The following KIF26B variants were observed in gnomAD, a reference collection of about 807,000 sequenced individuals.
KIF26B encodes kinesin-like protein KIF26B.
A neutral mutation model predicts 151.2 loss-of-function variants in KIF26B; 63 were observed. The observed-to-expected ratio is 0.42, with a 90% CI of 0.34 to 0.51. KIF26B has a LOEUF of 0.51. Ranked by LOEUF, KIF26B falls within the 20% of genes least tolerant of loss-of-function variation. The pLI, the probability that KIF26B is intolerant of heterozygous loss-of-function variation, is 0.07. For synonymous variants in KIF26B, 1,357 were observed against 1,262.1 expected (o/e 1.08, Z -1.59); for missense variants, 2,813 against 2,913.6 (o/e 0.97, Z 0.79).
At position 245,197,971 on chromosome 1, in the gene KIF26B, T is replaced by C. The variant is rs1241696019; in HGVS notation, c.465+41288T>C. On this transcript the variant is annotated intron_variant, in intron 2 of 14. Transcript: ENST00000407071. ...AGTGGTTTCCAGCCTCAGCTCTCTC[T>C]TAAGCAGATGACTTTAGCCAAGCTG... Among the ~76,000 whole-genome samples, 6 of 152,196 alleles carry C rather than the reference T, an allele frequency of 3.9e-5. No homozygotes were observed. The East Asian group carries it at 1.2e-3, about 29-fold the overall frequency.
intron 2 of KIF26B, among the ~76,000 whole-genome samples, chr1:245,355,751 G>A (rs1672682302): frequency 6.6e-6 from 1 of 152,154 alleles, no homozygotes; most frequent in East Asian, 1.9e-4. Context: ...TCATTGTCTT[G>A]AATTATTTTG....
Position 245,314,908 on chromosome 1 carries a change from C to T in KIF26B, c.466-51926C>T, listed in dbSNP as rs780844659. On this transcript the variant is annotated intron_variant, in intron 2 of 14. Coordinates refer to ENST00000407071, the MANE Select transcript of KIF26B (RefSeq NM_018012.4). ...AATTATTTGGCTTTAAGGCCAGGCG[C>T]GGTGGCTCACGCCTGTAATCCCAGC... Among the ~76,000 whole-genome samples, 46 of 152,286 alleles carry T rather than the reference C, an allele frequency of 3.0e-4. 1 individual carries two copies. Among genetic ancestry groups the T allele is most frequent in the Admixed American group, 7.8e-4 (12 of 15,298 alleles).
At chr1:245,273,416 C>CAAAAAA (rs36085161) in intron 2 of KIF26B, among the ~76,000 whole-genome samples, 2 of 127,052 alleles carry the variant, frequency 1.6e-5, no homozygotes, top group African/African-American at 5.3e-5. Context: ...AGACTTATCT[C>CAAAAAA]AAAAAAAAAA....
intron 2 of KIF26B, among the ~76,000 whole-genome samples, chr1:245,348,780 G>A (rs910315003): frequency 2.0e-5 from 3 of 152,066 alleles, no homozygotes; most frequent in Non-Finnish European, 2.9e-5. Flanking sequence ...CAGCCACGCC[G>A]GCCTCTTGCT....
At chr1:245,637,440 A>T (rs186865354) in intron 9 of KIF26B, among the ~76,000 whole-genome samples, 124 of 152,138 alleles carry the variant, frequency 8.2e-4, no homozygotes, top group Admixed American at 7.9e-3. Flanking sequence ...TAATTTGCAA[A>T]TATTTTCTCC....
At chr1:245,676,612 T>G (rs2044359672) in intron 10 of KIF26B, 1 of 152,262 alleles carries the variant, frequency 6.6e-6, no homozygotes, top group South Asian at 2.1e-4. Context: ...ATAAATAGAA[T>G]GCTGGTATCT....
rs930776986 is a variant in KIF26B, at chr1:245,688,501, G to T, written c.5518G>T (p.Glu1840Ter). ...EARGGALAED[E>*]PAAAHLLPSP... The stretch of plus-strand genomic sequence containing the variant: ...GCGCGGGGGGGCCCTGGCCGAGGAC[G>T]AGCCCGCGGCCGCGCACCTGCTCCC... Residue 1840 changes from glutamate to a stop codon, truncating the protein, a stop_gained, in exon 12 of 15, where the codon GAG becomes TAG. Transcript: ENST00000407071. LOFTEE classifies it high-confidence loss of function. The T allele has an allele frequency of 6.8e-7, 1 of 1,480,104 alleles. No homozygotes were observed. 91.7% of individuals were successfully genotyped at this position (1,480,104 alleles called of 1,614,324 possible).
intron 2 of KIF26B, among the ~76,000 whole-genome samples, chr1:245,365,580 C>T (rs1672929958): frequency 6.6e-6 from 1 of 151,856 alleles, no homozygotes; most frequent in Non-Finnish European, 1.5e-5. Flanking sequence ...CCCATGCAAG[C>T]TGACAGTGAA....
rs140660298 is a variant in KIF26B at position 245,509,292 on chromosome 1, T to G, written c.1167-31475T>G. Reference sequence around the variant, plus strand: ...AAGATGGGATTGGAGCCGTTCTCTATGTCTGGGAGAGTTAGAAAAGTTTCC... The same window carrying G: ...AAGATGGGATTGGAGCCGTTCTCTAGGTCTGGGAGAGTTAGAAAAGTTTCC... On this transcript the variant is annotated intron_variant, in intron 4 of 14. Transcript: ENST00000407071. 1.1e-4 allele frequency among the ~76,000 whole-genome samples: 17 copies of G among 152,348 alleles called. No individual in the cohort carries two copies. In the East Asian group the frequency reaches 1.7e-3, roughly 16 times the overall value.
At chr1:245,388,745 C>T (rs1019359459) in intron 3 of KIF26B, among the ~76,000 whole-genome samples, 1 of 152,206 alleles carries the variant, frequency 6.6e-6, no homozygotes, top group East Asian at 1.9e-4. Context: ...AATTTGTCTA[C>T]AATTGTATCT....
chr1:245,503,255 CTAAT>C (rs551469423), intron 4 of KIF26B, among the ~76,000 whole-genome samples: 7 of 152,210 alleles, frequency 4.6e-5, no homozygotes, highest in South Asian at 4.2e-4. Flanking sequence ...ATAAGGATAG[CTAAT>C]TAATATATAG....
At chr1:245,573,765 A>C (rs1443290592) in intron 5 of KIF26B, among the ~76,000 whole-genome samples, 1 of 152,164 alleles carries the variant, frequency 6.6e-6, no homozygotes, top group Non-Finnish European at 1.5e-5. Context: ...TGAATGCCTG[A>C]GACCTCAGAA....
At chr1:245,672,848 T>C (rs571598731) in intron 10 of KIF26B, among the ~76,000 whole-genome samples, 3 of 152,260 alleles carry the variant, frequency 2.0e-5, no homozygotes, top group Admixed American at 1.3e-4. Context: ...TTGGTAATAC[T>C]GTATTGTATC....
chr1:245,520,596 CCATCCACCCACCCACCCAT>C (rs1558197313), intron 4 of KIF26B, among the ~76,000 whole-genome samples: 32,596 of 122,250 alleles, frequency 0.27, 4,009 homozygotes, highest in East Asian at 0.44. Context: ...ATCCATCCAT[CCATCCACCCACCCACCCAT>C]CCATCCATCC....
chr1:245,354,107 T>TC (rs1012728726), intron 2 of KIF26B, among the ~76,000 whole-genome samples: 4 of 151,940 alleles, frequency 2.6e-5, no homozygotes, highest in Non-Finnish European at 5.9e-5. Flanking sequence ...GCTTCATGAC[T>TC]CCCCCACCAA....
Position 245,702,454 on chromosome 1 carries a change from G to A in KIF26B, c.6179-4G>A, listed in dbSNP as rs1259455685. ...GTCTCCATCAGGCTCTTCCTCTCTT[G>A]CAGTTGACTTGGAGCAGGTTTGGGA... On this transcript the variant is annotated splice_region_variant and splice_polypyrimidine_tract_variant and intron_variant, in intron 14 of 14. Coordinates refer to ENST00000407071, the MANE Select transcript of KIF26B (RefSeq NM_018012.4). This position sits in a 1 kb window ranked among gnomAD's most constrained non-coding sequence, Gnocchi z 4.1. The A allele has an allele frequency of 1.9e-6, 3 of 1,613,772 alleles. No homozygotes were observed. In the Admixed American group the frequency reaches 5.0e-5, roughly 27 times the overall value.
Position 245,241,612 on chromosome 1 carries a change from AC to A in KIF26B, c.465+84930del, listed in dbSNP as rs1322689422. Reference sequence around the variant, plus strand: ...CCTTGCAGCCCAATGGCCTCAGGAGACAGTGACTCACGCTGTGTCCACCTGT... The same window carrying A: ...CCTTGCAGCCCAATGGCCTCAGGAGAAGTGACTCACGCTGTGTCCACCTGT... On this transcript the variant is annotated intron_variant, in intron 2 of 14. Transcript: ENST00000407071. This position sits in a 1 kb window ranked among gnomAD's most constrained non-coding sequence, Gnocchi z 5.0. Among the ~76,000 whole-genome samples, 1 of 152,102 alleles carries A rather than the reference AC, an allele frequency of 6.6e-6. No homozygotes were observed.
chr1:245,311,044 T>A (rs1190714546), intron 2 of KIF26B, among the ~76,000 whole-genome samples: 2 of 151,870 alleles, frequency 1.3e-5, no homozygotes, highest in Non-Finnish European at 2.9e-5. Flanking sequence ...CTATCAGGAG[T>A]CTGTGTCAAC....
intron 2 of KIF26B, among the ~76,000 whole-genome samples, chr1:245,279,547 G>T (rs2102967095): frequency 6.6e-6 from 1 of 152,048 alleles, no homozygotes; most frequent in South Asian, 2.1e-4. Flanking sequence ...GGGCTCAAGT[G>T]ATCCTCCCAC....
Sources: gnomAD v4.1 joint callset for allele counts (sites outside exome capture counted in the v4.1 genomes callset) on GRCh38, gnomAD v4.1.1 for gene constraint, Gnocchi (gnomAD v3.1) non-coding constraint, MANE v1.5 for transcripts, NCBI Gene and HGNC (gene_info 2026-07-23, HGNC 2026-07-21) for gene names.